OPCML: variants seen among roughly 807,000 people sequenced by gnomAD.
OPCML encodes the protein opioid-binding protein/cell adhesion molecule.
In OPCML, 13 loss-of-function variants were observed where a neutral mutation model predicts 37.8. The ratio of observed to expected loss-of-function variants is 0.34; its 90% CI spans 0.22 to 0.55. OPCML has a LOEUF of 0.55. Among genes scored for constraint, OPCML ranks in the 20% least tolerant of loss-of-function variants. The pLI, the probability that OPCML is intolerant of heterozygous loss-of-function variation, is 0.91. For missense variants in OPCML, 341 were observed against 435.6 expected (o/e 0.78, Z 1.93); for synonymous variants, 176 against 168.8 (o/e 1.04, Z -0.33).
intron 2 of OPCML, among the ~76,000 whole-genome samples, chr11:132,725,390 AG>A (rs550943135): frequency 7.2e-5 from 11 of 152,142 alleles, no homozygotes; most frequent in South Asian, 2.1e-4. Context: ...TGCACACAGC[AG>A]GGGGGGCCCT....
chr11:133,313,552 T>C (rs1470487483), intron 1 of OPCML, among the ~76,000 whole-genome samples: 2 of 152,202 alleles, frequency 1.3e-5, no homozygotes, highest in Non-Finnish European at 2.9e-5. Flanking sequence ...TCACAAGGGT[T>C]CTTAAGAGCA....
In OPCML at chr11:133,262,429, A is replaced by T. The variant is rs1300643108; in HGVS notation, c.61+269835T>A. On this transcript the variant is annotated intron_variant, in intron 1 of 7. Transcript: ENST00000524381. Reference sequence around the variant, plus strand: ...AGAAAAAGAGGAATGAGGAAAATGGAGAGACTGGGGCCTAACACCATCTAA... The same window carrying T: ...AGAAAAAGAGGAATGAGGAAAATGGTGAGACTGGGGCCTAACACCATCTAA... 3.3e-5 allele frequency among the ~76,000 whole-genome samples: 5 copies of T among 152,300 alleles called. No homozygotes were observed. The East Asian group carries it at 9.7e-4, about 29-fold the overall frequency.
intron 1 of OPCML, among the ~76,000 whole-genome samples, chr11:133,337,227 G>A (rs866204411): frequency 2.0e-5 from 3 of 152,196 alleles, no homozygotes; most frequent in African/African-American, 7.2e-5. Context: ...CCACCATTTT[G>A]AGAGAATCTC....
At chr11:133,025,001 A>T in intron 1 of OPCML, 1 of 985,414 alleles carries the variant, frequency 1.0e-6, no homozygotes, top group Non-Finnish European at 1.2e-6. Flanking sequence ...GATAATTCTG[A>T]CACAGGAAGT....
intron 1 of OPCML, among the ~76,000 whole-genome samples, chr11:133,312,915 T>G (rs1413979822): frequency 6.6e-6 from 1 of 152,194 alleles, no homozygotes; most frequent in Non-Finnish European, 1.5e-5. Context: ...GGCGGTATAT[T>G]AAAATGCTTT....
intron 2 of OPCML, among the ~76,000 whole-genome samples, chr11:132,832,610 A>G (rs1464831154): frequency 6.6e-6 from 1 of 152,272 alleles, no homozygotes; most frequent in African/African-American, 2.4e-5. Context: ...AAAATGATTC[A>G]TACATATGCC....
chr11:132,601,766 CT>C (rs1310058666), intron 3 of OPCML, among the ~76,000 whole-genome samples: 1 of 152,092 alleles, frequency 6.6e-6, no homozygotes, highest in Non-Finnish European at 1.5e-5. Context: ...ATTAATTTTT[CT>C]ATTTTAAAAG....
At chr11:132,779,922 G>A (rs1946942637) in intron 2 of OPCML, among the ~76,000 whole-genome samples, 1 of 152,128 alleles carries the variant, frequency 6.6e-6, no homozygotes, top group South Asian at 2.1e-4. Flanking sequence ...TTTCATGGAT[G>A]CTCTTTCCTT....
chr11:132,796,735 G>A (rs1014331850), intron 2 of OPCML, among the ~76,000 whole-genome samples: 10 of 151,916 alleles, frequency 6.6e-5, no homozygotes, highest in African/African-American at 2.2e-4. Context: ...CAGCCGCCAC[G>A]CCCGGCTAAT....
intron 1 of OPCML, among the ~76,000 whole-genome samples, chr11:133,395,761 G>C (rs1431723295): frequency 6.6e-6 from 1 of 152,108 alleles, no homozygotes; most frequent in Non-Finnish European, 1.5e-5. Context: ...TTTTGTGCCA[G>C]TACCACATTG....
At chr11:132,854,679 T>C (rs1941977275) in intron 2 of OPCML, among the ~76,000 whole-genome samples, 1 of 152,244 alleles carries the variant, frequency 6.6e-6, no homozygotes, top group South Asian at 2.1e-4. Context: ...CATTGCCAAA[T>C]AGTATTCCAT....
At chr11:133,190,215 T>C (rs1161306500) in intron 1 of OPCML, among the ~76,000 whole-genome samples, 1 of 152,200 alleles carries the variant, frequency 6.6e-6, no homozygotes, top group East Asian at 1.9e-4. Context: ...AATTTCCCCA[T>C]GGAGACAAAA....
intron 1 of OPCML, among the ~76,000 whole-genome samples, chr11:133,043,057 G>A (rs1050949702): frequency 2.0e-5 from 3 of 151,994 alleles, no homozygotes; most frequent in Non-Finnish European, 2.9e-5. Flanking sequence ...CATCTCTGTC[G>A]ACTCACCCAG....
chr11:132,437,399 G>C (rs755766993), intron 4 of OPCML, 40 bp from the exon 5 acceptor site: 2 of 1,607,170 alleles, frequency 1.2e-6, no homozygotes, highest in East Asian at 4.5e-5. Context: ...TCAGGAAACT[G>C]TGTAACCAGG....
chr11:133,277,667 T>G (rs551718166), intron 1 of OPCML, among the ~76,000 whole-genome samples: 11 of 152,230 alleles, frequency 7.2e-5, no homozygotes, highest in African/African-American at 2.6e-4. Context: ...TCAGATCCAG[T>G]ACATGTATCC....
intron 1 of OPCML, among the ~76,000 whole-genome samples, chr11:133,200,024 A>C (rs1250519470): frequency 6.6e-6 from 1 of 152,170 alleles, no homozygotes; most frequent in Non-Finnish European, 1.5e-5. Context: ...ACTGTCCTGC[A>C]CACGTCCCGC....
In OPCML at chr11:132,718,722, G is replaced by A. The variant is rs11223185; in HGVS notation, c.147-61403C>T. 8.9e-4 allele frequency among the ~76,000 whole-genome samples: 136 copies of A among 152,284 alleles called. 1 individual carries two copies. The East Asian group carries it at 0.022, about 24-fold the overall frequency. On this transcript the variant is annotated intron_variant, in intron 2 of 7. Transcript: ENST00000524381. The stretch of plus-strand genomic sequence containing the variant: ...GCTCTCACTGCACAGGGAAGCACAC[G>A]CGGGCACACAAACACGTCCTTACTA...
chr11:133,155,340 G>A (rs1015305371), intron 1 of OPCML, among the ~76,000 whole-genome samples: 9 of 151,994 alleles, frequency 5.9e-5, no homozygotes, highest in Admixed American at 6.6e-5. Flanking sequence ...CTGTAATATT[G>A]AATCTGTCGA....
At chr11:133,518,077 G>C (rs886966954) in intron 1 of OPCML, among the ~76,000 whole-genome samples, 1 of 152,132 alleles carries the variant, frequency 6.6e-6, no homozygotes, top group Non-Finnish European at 1.5e-5. Flanking sequence ...AGCAAAAAAA[G>C]GTTCACGAGA....
Sources: gnomAD v4.1 joint callset for allele counts (sites outside exome capture counted in the v4.1 genomes callset) on GRCh38, gnomAD v4.1.1 for gene constraint, MANE v1.5 for transcripts, NCBI Gene and HGNC (gene_info 2026-07-23, HGNC 2026-07-21) for gene names.